Variants in FHIT observed in about 807,000 individuals in gnomAD.
FHIT encodes fragile histidine triad diadenosine triphosphatase, also known as bis(5'-adenosyl)-triphosphatase.
In FHIT, 19 loss-of-function variants were observed where a neutral mutation model predicts 17.9. The ratio of observed to expected loss-of-function variants is 1.06; its 90% CI spans 0.74 to 1.56. The LOEUF is 1.56. FHIT is among the 40% of genes most tolerant of loss of function. The pLI is 0.00. For synonymous variants in FHIT, 81 were observed against 69.7 expected (o/e 1.16, Z -0.81); for missense variants, 248 against 189.2 (o/e 1.31, Z -1.82).
chr3:59,845,169 T>A (rs1011948153), intron 8 of FHIT, among the ~76,000 whole-genome samples: 26 of 152,104 alleles, frequency 1.7e-4, no homozygotes, highest in African/African-American at 6.3e-4. Flanking sequence ...ATTTTAGACT[T>A]CTGGTTTTTT....
At chr3:61,144,182 A>G (rs1351119960) in intron 2 of FHIT, among the ~76,000 whole-genome samples, 1 of 152,208 alleles carries the variant, frequency 6.6e-6, no homozygotes, top group Non-Finnish European at 1.5e-5. Context: ...GCCCATGTGC[A>G]TTAGCAGTCA....
intron 5 of FHIT, among the ~76,000 whole-genome samples, chr3:60,446,482 T>C (rs2031339859): frequency 6.6e-6 from 1 of 152,136 alleles, no homozygotes; most frequent in Non-Finnish European, 1.5e-5. Context: ...TCCATAGGTG[T>C]GGTTTAAGGC....
intron 4 of FHIT, among the ~76,000 whole-genome samples, chr3:60,608,584 T>G (rs1052575795): frequency 6.6e-6 from 1 of 151,118 alleles, no homozygotes; most frequent in African/African-American, 2.5e-5. Flanking sequence ...TCCTTTATTT[T>G]TTTTCCCACC....
At chr3:60,440,064 C>T (rs2030656147) in intron 5 of FHIT, among the ~76,000 whole-genome samples, 1 of 152,098 alleles carries the variant, frequency 6.6e-6, no homozygotes. Context: ...CCAACCTAGC[C>T]CCCAGAGTCT....
Position 60,429,799 on chromosome 3 carries a change from T to C in FHIT, c.103+107061A>G, listed in dbSNP as rs147178261. On this transcript the variant is annotated intron_variant, in intron 5 of 9. Coordinates refer to ENST00000492590, the MANE Select transcript of FHIT (RefSeq NM_002012.4). ...CCACAACAACTTTCTAAAATATCAA[T>C]ATACTCACTGTATAGGTGTGGAAGC... Among the ~76,000 whole-genome samples the C allele has an allele frequency of 5.3e-3, 814 of 152,192 alleles. 9 individuals carry two copies. The highest frequency in any genetic ancestry group is 0.019 in the African/African-American group (780 of 41,550).
At chr3:60,392,211 C>T (rs1199677986) in intron 5 of FHIT, among the ~76,000 whole-genome samples, 3 of 151,970 alleles carry the variant, frequency 2.0e-5, no homozygotes, top group African/African-American at 7.3e-5. Context: ...GAAAAGATCC[C>T]GTATCAGAGC....
intron 3 of FHIT, among the ~76,000 whole-genome samples, chr3:61,037,895 A>G (rs897738142): frequency 6.6e-6 from 1 of 152,236 alleles, no homozygotes; most frequent in Non-Finnish European, 1.5e-5. Flanking sequence ...TAGCAGCACA[A>G]AAGGGACTAA....
At chr3:59,960,127 A>G (rs1012724374) in intron 7 of FHIT, among the ~76,000 whole-genome samples, 1 of 152,148 alleles carries the variant, frequency 6.6e-6, no homozygotes, top group Non-Finnish European at 1.5e-5. Flanking sequence ...AGAGGAAGAC[A>G]GTGGGTGGAA....
chr3:60,203,433 G>A (rs1264365147), intron 5 of FHIT, among the ~76,000 whole-genome samples: 2 of 152,092 alleles, frequency 1.3e-5, no homozygotes, highest in East Asian at 1.9e-4. Context: ...TCATTCCCAG[G>A]AAATAAGGAC....
At chr3:60,867,055 T>C (rs1399354056) in intron 3 of FHIT, among the ~76,000 whole-genome samples, 1 of 152,168 alleles carries the variant, frequency 6.6e-6, no homozygotes, top group African/African-American at 2.4e-5. Flanking sequence ...AACATGAGCC[T>C]ACAATAGTCT....
intron 8 of FHIT, among the ~76,000 whole-genome samples, chr3:59,814,153 G>T (rs1046747869): frequency 1.3e-5 from 2 of 152,102 alleles, no homozygotes; most frequent in Admixed American, 6.5e-5. Context: ...GCAAAGAAAA[G>T]ATGTGCTGCT....
chr3:60,173,900 TATATA>T (rs1701534209), intron 5 of FHIT, among the ~76,000 whole-genome samples: 1 of 76,008 alleles, frequency 1.3e-5, no homozygotes, highest in Non-Finnish European at 2.4e-5. Context: ...TATATATATA[TATATA>T]TATATATATA....
intron 3 of FHIT, among the ~76,000 whole-genome samples, chr3:60,862,103 T>G (rs1184208941): frequency 4.6e-5 from 7 of 152,164 alleles, no homozygotes; most frequent in Non-Finnish European, 1.0e-4. Context: ...GAATATAACT[T>G]GGTAAATAAA....
intron 2 of FHIT, among the ~76,000 whole-genome samples, chr3:61,197,762 G>A (rs574036667): frequency 2.1e-3 from 316 of 152,184 alleles, no homozygotes; most frequent in African/African-American, 7.1e-3. Flanking sequence ...GGGGTAAACC[G>A]AAGAAAATCT....
chr3:60,602,362 A>G (rs2226972), intron 4 of FHIT, among the ~76,000 whole-genome samples: 50,556 of 152,054 alleles, frequency 0.33, 8,855 homozygotes, highest in East Asian at 0.59. Context: ...TCGGAAAACC[A>G]TGGAGCAATG....
intron 8 of FHIT, among the ~76,000 whole-genome samples, chr3:59,900,034 G>T (rs983815467): frequency 1.3e-5 from 2 of 152,172 alleles, no homozygotes; most frequent in African/African-American, 4.8e-5. Context: ...GGGCCCACAG[G>T]TATCGTTTGC....
intron 2 of FHIT, among the ~76,000 whole-genome samples, chr3:61,146,494 T>C (rs2037230169): frequency 6.6e-6 from 1 of 152,096 alleles, no homozygotes; most frequent in Admixed American, 6.5e-5. Flanking sequence ...CAAGCTATTA[T>C]TCTGCATTTT....
intron 8 of FHIT, among the ~76,000 whole-genome samples, chr3:59,778,878 A>T (rs1285433992): frequency 6.6e-6 from 1 of 152,170 alleles, no homozygotes; most frequent in Non-Finnish European, 1.5e-5. Flanking sequence ...GGTTCCTGCT[A>T]GTCTTTTGTT....
In FHIT at chr3:60,178,358, G is replaced by A. The variant is rs142744725; in HGVS notation, c.104-164206C>T. Among the ~76,000 whole-genome samples the A allele has an allele frequency of 2.6e-4, 39 of 152,200 alleles. No homozygotes were observed. In the East Asian group the frequency reaches 3.9e-3, roughly 15 times the overall value. On this transcript the variant is annotated intron_variant, in intron 5 of 9. Coordinates refer to ENST00000492590, the MANE Select transcript of FHIT (RefSeq NM_002012.4). ...TCCCAGCACTTTGGGAGGCTGAGGC[G>A]GGCGGATCACCTCAGGTCGGGAGTT...
Sources: allele counts gnomAD v4.1 joint callset (sites outside exome capture counted in the v4.1 genomes callset), GRCh38; gene constraint gnomAD v4.1.1; transcripts MANE v1.5; gene names NCBI Gene and HGNC (gene_info 2026-07-23, HGNC 2026-07-21).